CDH10: variants seen among roughly 807,000 people sequenced by gnomAD.
CDH10 encodes the protein cadherin-10.
A neutral mutation model predicts 73.1 loss-of-function variants in CDH10; 30 were observed. The ratio of observed to expected loss-of-function variants is 0.41; its 90% CI spans 0.31 to 0.56. The LOEUF (loss-of-function observed/expected upper bound fraction) is 0.56. CDH10 is among the 20% of genes least tolerant of loss of function. The probability of loss-of-function intolerance (pLI) is 0.27; values close to 1 mark genes in which losing one functional copy is unlikely to be tolerated. For missense variants in CDH10, 815 were observed against 973.7 expected, an observed-to-expected ratio of 0.84 and a Z score of 2.17; for synonymous variants, 345 against 348.2, an observed-to-expected ratio of 0.99 and a Z score of 0.10.
At chr5:24,606,061 C>G (rs1312152910) in intron 1 of CDH10, among the ~76,000 whole-genome samples, 2 of 152,164 alleles carry the variant, frequency 1.3e-5, no homozygotes, top group Non-Finnish European at 2.9e-5. Context: ...TGGTTAATGT[C>G]TAGTCACCAC....
At chr5:24,489,610 A>C (rs903536545) in intron 11 of CDH10, among the ~76,000 whole-genome samples, 3 of 152,158 alleles carry the variant, frequency 2.0e-5, no homozygotes, top group Non-Finnish European at 4.4e-5. Flanking sequence ...AATTCGCTCC[A>C]AGTCCAAGTT....
chr5:24,595,790 C>G (rs1746352060), intron 1 of CDH10, among the ~76,000 whole-genome samples: 2 of 151,880 alleles, frequency 1.3e-5, no homozygotes, highest in Admixed American at 6.6e-5. Context: ...TTCTATGATG[C>G]ATTGGTGATC....
At chr5:24,642,727 C>A (rs938290886) in intron 1 of CDH10, among the ~76,000 whole-genome samples, 1 of 152,100 alleles carries the variant, frequency 6.6e-6, no homozygotes, top group African/African-American at 2.4e-5. Context: ...ATTGACTTCA[C>A]ACATATGCAT....
At chr5:24,555,591 G>T (rs150224442) in intron 2 of CDH10, among the ~76,000 whole-genome samples, 200 of 152,222 alleles carry the variant, frequency 1.3e-3, no homozygotes, top group African/African-American at 4.6e-3. Context: ...CAGTATCACA[G>T]CGGAAAGACA....
intron 6 of CDH10, among the ~76,000 whole-genome samples, chr5:24,510,621 A>T (rs981269538): frequency 6.6e-6 from 1 of 152,202 alleles, no homozygotes; most frequent in African/African-American, 2.4e-5. Flanking sequence ...TTTGCTAGTC[A>T]CTGTCCATTT....
chr5:24,626,792 ATG>A (rs58419965), intron 1 of CDH10, among the ~76,000 whole-genome samples: 8,191 of 148,682 alleles, frequency 0.055, 308 homozygotes, highest in South Asian at 0.16. Context: ...ATATATATAT[ATG>A]TGTGTGTGTG....
intron 2 of CDH10, among the ~76,000 whole-genome samples, chr5:24,549,697 G>C (rs201081813): frequency 6.6e-6 from 1 of 151,820 alleles, no homozygotes; most frequent in South Asian, 2.1e-4. Context: ...GATTATAGGC[G>C]CCTGCCACAA....
intron 2 of CDH10, among the ~76,000 whole-genome samples, chr5:24,587,382 G>C (rs1406535444): frequency 6.6e-6 from 1 of 151,810 alleles, no homozygotes; most frequent in Non-Finnish European, 1.5e-5. Flanking sequence ...CAATACAATG[G>C]GTACAAAATT....
chr5:24,603,366 T>C (rs2112123274), intron 1 of CDH10, among the ~76,000 whole-genome samples: 1 of 152,270 alleles, frequency 6.6e-6, no homozygotes, highest in Non-Finnish European at 1.5e-5. Flanking sequence ...GATAAAACAT[T>C]ACAAAGAGGA....
intron 1 of CDH10, among the ~76,000 whole-genome samples, chr5:24,641,766 T>A (rs1036253648): frequency 2.6e-5 from 4 of 152,104 alleles, no homozygotes; most frequent in African/African-American, 9.7e-5. Context: ...ACTTGGTTTT[T>A]AACTTCAATC....
intron 11 of CDH10, 104 bp from the exon 12 acceptor site, chr5:24,488,257 A>T: frequency 1.0e-6 from 1 of 961,402 alleles, no homozygotes; most frequent in South Asian, 1.8e-5. Context: ...TTTCTATAAC[A>T]GCTTAGACTT....
rs552508803 is a variant in CDH10, at chr5:24,513,437, G to A, written c.815-1923C>T. ...CACTGTTCAAAGCTGACTGTTTGTT[G>A]GGCTATGCCAAGCCAAGGAGAGAGG... is the stretch of plus-strand genomic sequence containing the variant. On this transcript the variant is annotated intron_variant, in intron 5 of 11. Coordinates refer to ENST00000264463, the MANE Select transcript of CDH10 (RefSeq NM_006727.5). Among the ~76,000 whole-genome samples the A allele has an allele frequency of 2.0e-5, 3 of 152,178 alleles. No individual in the cohort carries two copies. The East Asian group carries it at 5.8e-4, about 30-fold the overall frequency.
intron 1 of CDH10, among the ~76,000 whole-genome samples, chr5:24,626,978 C>T (rs1272174309): frequency 6.6e-6 from 1 of 151,082 alleles, no homozygotes; most frequent in Non-Finnish European, 1.5e-5. Flanking sequence ...AAATTAAGTA[C>T]AGTGAAAAAC....
intron 2 of CDH10, among the ~76,000 whole-genome samples, chr5:24,583,660 T>G (rs1745879639): frequency 6.6e-6 from 1 of 152,228 alleles, no homozygotes; most frequent in Non-Finnish European, 1.5e-5. Flanking sequence ...TTGTTTGTTT[T>G]TTTGAGACGG....
chr5:24,521,118 G>C (rs1407728341), intron 5 of CDH10, among the ~76,000 whole-genome samples: 2 of 152,066 alleles, frequency 1.3e-5, no homozygotes, highest in Non-Finnish European at 2.9e-5. Context: ...AAACAGAAAA[G>C]CAACAAAAAC....
intron 2 of CDH10, among the ~76,000 whole-genome samples, chr5:24,575,333 G>C (rs207465770): frequency 2.4e-5 from 3 of 126,680 alleles, no homozygotes; most frequent in Non-Finnish European, 4.9e-5. Context: ...CTGCACTCCA[G>C]CCTGGGCAAC....
intron 1 of CDH10, among the ~76,000 whole-genome samples, chr5:24,623,366 A>G (rs184242006): frequency 2.2e-4 from 33 of 152,336 alleles, no homozygotes; most frequent in Admixed American, 2.2e-3. Flanking sequence ...GGTAATAACA[A>G]TATATCACTG....
At chr5:24,540,915 G>C (rs983569351) in intron 2 of CDH10, among the ~76,000 whole-genome samples, 2 of 151,862 alleles carry the variant, frequency 1.3e-5, no homozygotes, top group Non-Finnish European at 2.9e-5. Flanking sequence ...GTAATAATGA[G>C]ATTATGTGGA....
intron 1 of CDH10, chr5:24,613,134 C>A (rs1404993755): frequency 1.3e-5 from 2 of 151,356 alleles, no homozygotes; most frequent in Admixed American, 1.3e-4. Context: ...ACTGAAGGTA[C>A]CTCTTTCTTA....
Sources: allele counts gnomAD v4.1 joint callset (sites outside exome capture counted in the v4.1 genomes callset), GRCh38; gene constraint gnomAD v4.1.1; transcripts MANE v1.5; gene names NCBI Gene and HGNC (gene_info 2026-07-23, HGNC 2026-07-21).